The following GREM2 variants were observed in gnomAD, a reference collection of about 807,000 sequenced individuals.
GREM2 encodes the protein gremlin-2.
Under a neutral mutation model 14.2 loss-of-function variants are expected in GREM2, and 11 were observed. The ratio of observed to expected loss-of-function variants is 0.78; its 90% CI spans 0.49 to 1.28. The LOEUF (loss-of-function observed/expected upper bound fraction) is 1.28. Among genes scored for constraint, GREM2 ranks in the 50% most tolerant of loss-of-function variants. The pLI is 0.00. For synonymous variants in GREM2, 98 were observed against 97.6 expected, an observed-to-expected ratio of 1.00 and a Z score of -0.02; for missense variants, 210 against 218.5, an observed-to-expected ratio of 0.96 and a Z score of 0.24.
At chr1:240,524,375 T>G (rs1004713097) in intron 1 of GREM2, among the ~76,000 whole-genome samples, 3 of 152,256 alleles carry the variant, frequency 2.0e-5, no homozygotes, top group Non-Finnish European at 4.4e-5. Context: ...TATTGTAATT[T>G]TTTTAAATCT....
chr1:240,562,597 C>T (rs1456035483), intron 1 of GREM2, among the ~76,000 whole-genome samples: 1 of 152,112 alleles, frequency 6.6e-6, no homozygotes, highest in African/African-American at 2.4e-5. Flanking sequence ...CAAGAAACAC[C>T]ATCTTGGAGA....
chr1:240,554,562 T>C (rs1385791692), intron 1 of GREM2, among the ~76,000 whole-genome samples: 1 of 152,154 alleles, frequency 6.6e-6, no homozygotes, highest in Non-Finnish European at 1.5e-5. Context: ...GTAAGCAATG[T>C]TTTTTCATAA....
intron 1 of GREM2, among the ~76,000 whole-genome samples, chr1:240,550,790 A>G (rs948038902): frequency 3.9e-5 from 6 of 152,222 alleles, no homozygotes; most frequent in African/African-American, 1.2e-4. Context: ...AATGTCTTTC[A>G]TTGAATATTG....
chr1:240,493,181 C>G lies in GREM2; in HGVS notation c.295G>C (p.Gly99Arg). 6.2e-7 allele frequency: 1 copy of G among 1,614,110 alleles called. No homozygotes were observed. The highest frequency in any genetic ancestry group is 1.6e-4 in the Middle Eastern group (1 of 6,062). ...SRTILNRFCY[G>R]QCNSFYIPRH... ...GGGATGTAGAAGGAGTTGCACTGGCCGTAGCAGAAGCGGTTGAGGATGGTG... is the reference window on the plus strand; with the variant it reads ...GGGATGTAGAAGGAGTTGCACTGGCGGTAGCAGAAGCGGTTGAGGATGGTG... The change falls in exon 2 of 2, where the codon GGC (glycine) becomes CGC (arginine). Residue 99 changes from glycine to arginine, a missense_variant. Coordinates refer to ENST00000318160, the MANE Select transcript of GREM2 (RefSeq NM_022469.4).
chr1:240,541,139 A>G, intron 1 of GREM2, among the ~76,000 whole-genome samples: 1 of 152,206 alleles, frequency 6.6e-6, no homozygotes, highest in East Asian at 1.9e-4. Flanking sequence ...TGGGATCCGT[A>G]TGAATAACTG....
intron 1 of GREM2, among the ~76,000 whole-genome samples, chr1:240,521,329 C>G (rs10926291): frequency 0.33 from 49,746 of 151,860 alleles, 8,439 homozygotes; most frequent in Middle Eastern, 0.5. Context: ...AGCACTTTAG[C>G]AGGCCGAAGT....
At chr1:240,547,006 C>T (rs980683041) in intron 1 of GREM2, among the ~76,000 whole-genome samples, 1 of 152,014 alleles carries the variant, frequency 6.6e-6, no homozygotes, top group Non-Finnish European at 1.5e-5. Flanking sequence ...CACTGAAGAC[C>T]GAGAACATTG....
chr1:240,529,988 G>A (rs1273422871), intron 1 of GREM2, among the ~76,000 whole-genome samples: 1 of 152,076 alleles, frequency 6.6e-6, no homozygotes, highest in Non-Finnish European at 1.5e-5. Flanking sequence ...GCTCTATGTA[G>A]GAAATATTGG....
intron 1 of GREM2, among the ~76,000 whole-genome samples, chr1:240,594,426 T>C (rs912960363): frequency 2.6e-5 from 4 of 152,186 alleles, no homozygotes; most frequent in African/African-American, 4.8e-5. Flanking sequence ...ATTTGCTCTT[T>C]TCCCGGAAAT....
At chr1:240,576,448 G>A (rs1278218763) in intron 1 of GREM2, among the ~76,000 whole-genome samples, 1 of 152,076 alleles carries the variant, frequency 6.6e-6, no homozygotes, top group Non-Finnish European at 1.5e-5. Context: ...CATATTTCCT[G>A]TTCAGATTTC....
At chr1:240,505,419 A>T (rs1677655777) in intron 1 of GREM2, among the ~76,000 whole-genome samples, 1 of 152,192 alleles carries the variant, frequency 6.6e-6, no homozygotes, top group African/African-American at 2.4e-5. Flanking sequence ...TCTAGGAAAA[A>T]GTAGTATTCA....
intron 1 of GREM2, among the ~76,000 whole-genome samples, chr1:240,496,133 C>T (rs1677408294): frequency 6.6e-6 from 1 of 152,034 alleles, no homozygotes; most frequent in Non-Finnish European, 1.5e-5. Context: ...GACAGGGTTT[C>T]ACTATGTTGG....
chr1:240,601,003 GTT>G (rs1483109734), intron 1 of GREM2, among the ~76,000 whole-genome samples: 1 of 152,058 alleles, frequency 6.6e-6, no homozygotes, highest in Non-Finnish European at 1.5e-5. Flanking sequence ...ATTTCAATTT[GTT>G]TATCTCAGTT....
At chr1:240,522,492 T>A (rs1678123544) in intron 1 of GREM2, among the ~76,000 whole-genome samples, 1 of 152,152 alleles carries the variant, frequency 6.6e-6, no homozygotes, top group Non-Finnish European at 1.5e-5. Flanking sequence ...AATGAAAATT[T>A]ACAGTAGATT....
intron 1 of GREM2, among the ~76,000 whole-genome samples, chr1:240,516,999 T>C (rs60305317): frequency 0.39 from 59,575 of 151,720 alleles, 12,012 homozygotes; most frequent in East Asian, 0.72. Context: ...CAAATCGCTT[T>C]GTGCCAGAGT....
intron 1 of GREM2, among the ~76,000 whole-genome samples, chr1:240,538,124 C>A (rs959835068): frequency 1.8e-4 from 27 of 152,148 alleles, no homozygotes; most frequent in Non-Finnish European, 3.7e-4. Context: ...GTCTAGAAAG[C>A]AAAATTTCTT....
At chr1:240,583,042 A>G (rs547395754) in intron 1 of GREM2, among the ~76,000 whole-genome samples, 18 of 152,234 alleles carry the variant, frequency 1.2e-4, no homozygotes, top group African/African-American at 4.1e-4. Flanking sequence ...GATGGTAATG[A>G]CAATCTTCTT....
At chr1:240,545,532 TCAGGAGCA>T (rs1255150284) in intron 1 of GREM2, among the ~76,000 whole-genome samples, 1 of 114,180 alleles carries the variant, frequency 8.8e-6, no homozygotes, top group African/African-American at 4.2e-5. Flanking sequence ...AACTAAAGGG[TCAGGAGCA>T]CAGGAGCACA....
At chr1:240,547,220 G>A (rs1572392861) in intron 1 of GREM2, among the ~76,000 whole-genome samples, 1 of 152,048 alleles carries the variant, frequency 6.6e-6, no homozygotes, top group Non-Finnish European at 1.5e-5. Context: ...ATGAATGGAG[G>A]CCAGGCACGG....
Sources: gnomAD v4.1 joint callset for allele counts (sites outside exome capture counted in the v4.1 genomes callset) on GRCh38, gnomAD v4.1.1 for gene constraint, MANE v1.5 for transcripts, NCBI Gene and HGNC (gene_info 2026-07-23, HGNC 2026-07-21) for gene names.